The following TENM2 variants were observed in gnomAD, a reference collection of about 807,000 sequenced individuals.
TENM2 encodes teneurin transmembrane protein 2, also known as teneurin-2.
In TENM2, 52 loss-of-function variants were observed where a neutral mutation model predicts 245.2. That is an observed-to-expected ratio of 0.21 (90% confidence interval 0.17 to 0.27). TENM2 has a LOEUF of 0.27. Among genes scored for constraint, TENM2 ranks in the 10% least tolerant of loss-of-function variants. TENM2 has a pLI of 1.00. For missense variants in TENM2, 3,046 were observed against 3,666.8 expected, an observed-to-expected ratio of 0.83 and a Z score of 4.37; for synonymous variants, 1,363 against 1,438.9, an observed-to-expected ratio of 0.95 and a Z score of 1.19.
intron 2 of TENM2, among the ~76,000 whole-genome samples, chr5:167,700,186 C>T (rs567213743): frequency 4.6e-5 from 7 of 152,166 alleles, no homozygotes; most frequent in African/African-American, 1.7e-4. Context: ...CCCACTGCTC[C>T]CTTGATAGAG....
chr5:168,060,093 A>G (rs1789903979), intron 6 of TENM2, among the ~76,000 whole-genome samples: 3 of 152,158 alleles, frequency 2.0e-5, no homozygotes, highest in Admixed American at 1.3e-4. Flanking sequence ...GTTAGCCAAC[A>G]TTTAAAAGTT....
At chr5:167,012,041 G>T in the TENM2 span, among the ~76,000 whole-genome samples, 1 of 152,054 alleles carries the variant, frequency 6.6e-6, no homozygotes, top group East Asian at 1.9e-4. Flanking sequence ...GTGGCCTCTC[G>T]GTAACCATAA....
chr5:167,713,933 C>T (rs1306999400), intron 2 of TENM2, among the ~76,000 whole-genome samples: 3 of 152,176 alleles, frequency 2.0e-5, no homozygotes, highest in Non-Finnish European at 4.4e-5. Context: ...TCTCTACTCA[C>T]AAGGTCTGGA....
At chr5:167,278,982 C>G in the TENM2 span, among the ~76,000 whole-genome samples, 1 of 152,184 alleles carries the variant, frequency 6.6e-6, no homozygotes, top group Non-Finnish European at 1.5e-5. Context: ...GACCAAGTCT[C>G]TTAATTGTCC....
At chr5:167,061,015 C>G in the TENM2 span, among the ~76,000 whole-genome samples, 1 of 151,810 alleles carries the variant, frequency 6.6e-6, no homozygotes, top group African/African-American at 2.4e-5. Flanking sequence ...TTTTAGTTTT[C>G]CAGGTGATTC....
At chr5:167,532,826 G>GTGTATATATATATATATA (rs1554170577) in intron 2 of TENM2, among the ~76,000 whole-genome samples, 2 of 144,516 alleles carry the variant, frequency 1.4e-5, no homozygotes, top group African/African-American at 5.2e-5. Flanking sequence ...GTGTGTGTGT[G>GTGTATATATATATATATA]TATATATATA....
chr5:167,568,205 C>T (rs1774031909), intron 2 of TENM2, among the ~76,000 whole-genome samples: 1 of 151,942 alleles, frequency 6.6e-6, no homozygotes, highest in Admixed American at 6.6e-5. Context: ...TTACTGTGAG[C>T]TAATATAATG....
chr5:167,668,508 T>A (rs1254290644), intron 2 of TENM2, among the ~76,000 whole-genome samples: 1 of 152,180 alleles, frequency 6.6e-6, no homozygotes. Context: ...TCATACGCTG[T>A]AATGGAGAAG....
At chr5:167,653,406 T>C (rs1754608883) in intron 2 of TENM2, 1 of 152,154 alleles carries the variant, frequency 6.6e-6, no homozygotes, top group Admixed American at 6.6e-5. Context: ...CAGGCACAAG[T>C]TACCATGCCT....
chr5:167,749,275 T>G (rs1384875389), intron 2 of TENM2, among the ~76,000 whole-genome samples: 1 of 152,054 alleles, frequency 6.6e-6, no homozygotes, highest in Non-Finnish European at 1.5e-5. Flanking sequence ...TTTTAAAGAC[T>G]GACACTTCAG....
the TENM2 span, among the ~76,000 whole-genome samples, chr5:167,127,614 CTT>C: frequency 2.6e-5 from 3 of 116,788 alleles, no homozygotes; most frequent in Admixed American, 9.3e-5. Context: ...AGAATACAAG[CTT>C]TTTTTTTTTT....
intron 3 of TENM2, among the ~76,000 whole-genome samples, chr5:167,880,553 A>T (rs1773797440): frequency 6.6e-6 from 1 of 152,162 alleles, no homozygotes; most frequent in South Asian, 2.1e-4. Flanking sequence ...AAAGCAAATC[A>T]GTCATTTCAG....
the TENM2 span, among the ~76,000 whole-genome samples, chr5:167,189,541 C>T: frequency 6.7e-6 from 1 of 148,900 alleles, no homozygotes; most frequent in Non-Finnish European, 1.5e-5. Context: ...TTCTTTCGTT[C>T]TCTCTTTCTT....
At chr5:168,250,996 A>G (rs1412459751) in intron 27 of TENM2, among the ~76,000 whole-genome samples, 1 of 152,196 alleles carries the variant, frequency 6.6e-6, no homozygotes, top group Admixed American at 6.5e-5. Flanking sequence ...GGTAGTGTTG[A>G]TCAGACATTT....
intron 2 of TENM2, among the ~76,000 whole-genome samples, chr5:167,865,148 C>A (rs913138207): frequency 1.3e-5 from 2 of 152,206 alleles, no homozygotes; most frequent in East Asian, 3.8e-4. Context: ...TAAGTGACAG[C>A]ATTGCCCACA....
chr5:167,097,805 G>T, the TENM2 span, among the ~76,000 whole-genome samples: 5 of 152,072 alleles, frequency 3.3e-5, no homozygotes, highest in African/African-American at 1.2e-4. Flanking sequence ...TATTTTTCAT[G>T]TTTCTCAAGT....
intron 2 of TENM2, among the ~76,000 whole-genome samples, chr5:167,831,547 C>A (rs1283704301): frequency 6.8e-6 from 1 of 147,304 alleles, no homozygotes; most frequent in Non-Finnish European, 1.5e-5. Flanking sequence ...CACGTTTTGG[C>A]CCCAATGCAA....
chr5:167,083,738 T>G, the TENM2 span, among the ~76,000 whole-genome samples: 2 of 152,176 alleles, frequency 1.3e-5, no homozygotes, highest in African/African-American at 2.4e-5. Context: ...CCACCAAGTT[T>G]CCTTGAAGGA....
chr5:167,032,637 C>G, the TENM2 span, among the ~76,000 whole-genome samples: 1 of 152,090 alleles, frequency 6.6e-6, no homozygotes, highest in East Asian at 1.9e-4. Flanking sequence ...GAGAACTATT[C>G]TGATAGATAC....
Sources: gnomAD v4.1 joint callset for allele counts (sites outside exome capture counted in the v4.1 genomes callset) on GRCh38, gnomAD v4.1.1 for gene constraint, MANE v1.5 for transcripts, NCBI Gene and HGNC (gene_info 2026-07-23, HGNC 2026-07-21) for gene names.